The following WASHC4 variants were observed in gnomAD, a reference collection of about 807,000 sequenced individuals.
The protein encoded by WASHC4 is WASH complex subunit 7.
In WASHC4, 86 loss-of-function variants were observed where a neutral mutation model predicts 166.6. The observed-to-expected ratio is 0.52, with a 90% CI of 0.43 to 0.62. WASHC4 has a LOEUF of 0.62. Ranked by LOEUF, WASHC4 falls within the 20% of genes least tolerant of loss-of-function variation. The probability of loss-of-function intolerance (pLI) is 0.00; values close to 1 mark genes in which losing one functional copy is unlikely to be tolerated. For synonymous variants in WASHC4, 446 were observed against 451.6 expected (o/e 0.99, Z 0.16); for missense variants, 1,262 against 1,382.4 (o/e 0.91, Z 1.38).
chr12:105,116,659 C>T (rs753845288), intron 6 of WASHC4, among the ~76,000 whole-genome samples: 4 of 152,126 alleles, frequency 2.6e-5, no homozygotes, highest in Non-Finnish European at 1.5e-5. Flanking sequence ...GATGGATTTG[C>T]ACTTGACTAT....
chr12:105,143,605 T>C (rs531676588), intron 20 of WASHC4, among the ~76,000 whole-genome samples: 1 of 152,104 alleles, frequency 6.6e-6, no homozygotes, highest in Non-Finnish European at 1.5e-5. Context: ...GCAGAGCTCC[T>C]GAGAGAAGGA....
intron 24 of WASHC4, chr12:105,148,313 T>C (rs1327143847): frequency 1.0e-6 from 1 of 985,298 alleles, no homozygotes; most frequent in Non-Finnish European, 1.2e-6. Flanking sequence ...AACTGAACTT[T>C]TGAGAGTAAA....
rs199699095 is a variant in WASHC4, at chr12:105,141,200, C to G, written c.1741C>G (p.Gln581Glu). ...TAAAGATGAAGAACTCTTTCCACTTCAAGTAGTCATGAAAAAACTGGATCT... is the reference window on the plus strand; with the variant it reads ...TAAAGATGAAGAACTCTTTCCACTTGAAGTAGTCATGAAAAAACTGGATCT... ...TFKDEELFPL[Q>E]VVMKKLDLIS... Residue 581 changes from glutamine to glutamate, a missense_variant, in exon 18 of 33, where the codon CAA becomes GAA. Physicochemically the swap from Gln to Glu is conservative, Grantham distance 29. Transcript: ENST00000332180. 6.2e-7 allele frequency: 1 copy of G among 1,613,284 alleles called. No individual in the cohort carries two copies. Among genetic ancestry groups the G allele is most frequent in the African/African-American group, 1.3e-5 (1 of 74,880 alleles).
At chr12:105,162,625 A>G in intron 29 of WASHC4, 124 bp from the exon 30 acceptor site, 1 of 636,246 alleles carries the variant, frequency 1.6e-6, no homozygotes, top group Non-Finnish European at 2.8e-6. Context: ...AAGGACAGGA[A>G]TCTAGATTCT....
rs1247974040 is a variant in WASHC4 at position 105,127,085 on chromosome 12, GCCTGCATTTAATGAATTTTC to G, written c.1039-41_1039-22del. On this transcript the variant is annotated intron_variant, in intron 12 of 32. Transcript: ENST00000332180. ...GAACTTTTAAACAGCTTGTTGTTTA[GCCTGCATTTAATGAATTTTC>G]CCCTTTTCCCTTTTCTGTTTCAGGT... The G allele has an allele frequency of 2.6e-6, 4 of 1,540,624 alleles. No homozygotes were observed. In the East Asian group the frequency reaches 9.0e-5, roughly 35 times the overall value.
chr12:105,142,990 A>G, intron 19 of WASHC4, 137 bp from the exon 20 acceptor site: 1 of 652,324 alleles, frequency 1.5e-6, no homozygotes, highest in South Asian at 1.8e-5. Flanking sequence ...TTTCTTTAGG[A>G]AAGTTAAGAC....
At chr12:105,159,530 G>C (rs1884364240) in intron 28 of WASHC4, among the ~76,000 whole-genome samples, 1 of 152,156 alleles carries the variant, frequency 6.6e-6, no homozygotes, top group Admixed American at 6.6e-5. Context: ...TTCTTACAGT[G>C]GTGGAGGAAT....
At chr12:105,131,123 A>G (rs1422316056) in intron 13 of WASHC4, among the ~76,000 whole-genome samples, 1 of 148,712 alleles carries the variant, frequency 6.7e-6, no homozygotes, top group East Asian at 1.9e-4. Context: ...TCTGTCTCCC[A>G]GGTTGGACTG....
intron 31 of WASHC4, 94 bp from the exon 32 acceptor site, chr12:105,164,547 A>C: frequency 1.3e-6 from 1 of 755,784 alleles, no homozygotes; most frequent in Non-Finnish European, 2.0e-6. Flanking sequence ...AGCTTTTAAA[A>C]ATAATAATAA....
At chr12:105,165,836 A>G (rs766365189) in intron 32 of WASHC4, among the ~76,000 whole-genome samples, 1 of 152,222 alleles carries the variant, frequency 6.6e-6, no homozygotes, top group Non-Finnish European at 1.5e-5. Context: ...GTTTCAGCTT[A>G]TTAATCTGGA....
intron 18 of WASHC4, 48 bp downstream of exon 18, chr12:105,141,294 A>G (rs1440231474): frequency 8.1e-7 from 1 of 1,232,120 alleles, no homozygotes; most frequent in Non-Finnish European, 1.2e-6. Context: ...CAGGGTTAAT[A>G]GAAACATTGA....
intron 26 of WASHC4, among the ~76,000 whole-genome samples, chr12:105,153,341 G>C (rs989010267): frequency 6.6e-6 from 1 of 152,084 alleles, no homozygotes; most frequent in Non-Finnish European, 1.5e-5. Context: ...TTTACTAGTG[G>C]GTAATACGTT....
At position 105,138,368 on chromosome 12, in the gene WASHC4, A is replaced by G. The variant is rs140436921; in HGVS notation, c.1452+357A>G. ...AAAAAGGTTGCATGAGTTAAAAAAA[A>G]AAAAAACAGCTTGTCTACCATTATC... is the stretch of plus-strand genomic sequence containing the variant. On this transcript the variant is annotated intron_variant, in intron 15 of 32. Transcript: ENST00000332180. 4.8e-3 allele frequency among the ~76,000 whole-genome samples: 730 copies of G among 152,116 alleles called. 7 individuals carry two copies. The highest frequency in any genetic ancestry group is 0.016 in the African/African-American group (672 of 41,570).
chr12:105,147,287 A>T (rs1390942492), intron 24 of WASHC4, 141 bp downstream of exon 24: 2 of 666,878 alleles, frequency 3.0e-6, no homozygotes, highest in African/African-American at 3.6e-5. Context: ...CTGGTTAGTA[A>T]TTAAAATGTC....
chr12:105,140,522 G>A (rs947005169), intron 16 of WASHC4, 121 bp downstream of exon 16: 22 of 758,634 alleles, frequency 2.9e-5, no homozygotes, highest in East Asian at 7.8e-5. Context: ...TAATATGCTC[G>A]GTTATTTATC....
Position 105,147,079 on chromosome 12 carries a change from A to G in WASHC4, c.2447A>G (p.Asn816Ser), listed in dbSNP as rs1292901413. The change falls in exon 24 of 33, where the codon AAT (asparagine) becomes AGT (serine). Residue 816 changes from asparagine (N) to serine (S), a missense_variant. Transcript: ENST00000332180. The part of the protein sequence containing the change: ...IERTSNNKHL[N>S]TINIRHIANS... ...CGAACAAGCAATAACAAGCATTTGA[A>G]TACTATTAATATTCGGCATATTGCT... 1.2e-6 allele frequency: 2 copies of G among 1,610,974 alleles called. No homozygotes were observed. Among genetic ancestry groups the G allele is most frequent in the Admixed American group, 3.3e-5 (2 of 59,992 alleles).
intron 23 of WASHC4, 31 bp downstream of exon 23, chr12:105,146,557 A>G: frequency 1.0e-6 from 1 of 985,140 alleles, no homozygotes; most frequent in Admixed American, 1.8e-5. Context: ...TTTTTTTTTT[A>G]ATGTAGGTGG....
chr12:105,113,843 C>T (rs1879917520), intron 2 of WASHC4, among the ~76,000 whole-genome samples: 1 of 151,988 alleles, frequency 6.6e-6, no homozygotes, highest in South Asian at 2.1e-4. Context: ...CCTTTAGCTA[C>T]AATATCTTAT....
In WASHC4 at chr12:105,115,210, C is replaced by T. The variant is rs1409843763; in HGVS notation, c.348C>T (p.Leu116=). Residue 116 remains leucine, a synonymous_variant, in exon 5 of 33, where the codon CTC becomes CTT. Coordinates refer to ENST00000332180, the MANE Select transcript of WASHC4 (RefSeq NM_015275.3). ...CTGAAACTAAATTTTACAATGGTCTCTTGTTTTATGGAGAAGGAGGTAAGT... is the reference window on the plus strand; with the variant it reads ...CTGAAACTAAATTTTACAATGGTCTTTTGTTTTATGGAGAAGGAGGTAAGT... ...YEAETKFYNG[L]LFYGEGATDA... The T allele has an allele frequency of 2.6e-6, 4 of 1,558,122 alleles. No individual in the cohort carries two copies. In the South Asian group the frequency reaches 4.5e-5, roughly 17 times the overall value.
Sources: gnomAD v4.1 joint callset for allele counts (sites outside exome capture counted in the v4.1 genomes callset) on GRCh38, gnomAD v4.1.1 for gene constraint, MANE v1.5 for transcripts, NCBI Gene and HGNC (gene_info 2026-07-23, HGNC 2026-07-21) for gene names.